TGIF1: variants seen among roughly 807,000 people sequenced by gnomAD.
TGIF1 encodes the protein TGFB induced factor homeobox 1, also known as homeobox protein TGIF1.
Under a neutral mutation model 19.3 loss-of-function variants are expected in TGIF1, and 4 were observed. That is an observed-to-expected ratio of 0.21 (90% confidence interval 0.10 to 0.47). The LOEUF is 0.47. TGIF1 is among the 20% of genes least tolerant of loss of function. The probability of loss-of-function intolerance (pLI) is 0.98; values close to 1 mark genes in which losing one functional copy is unlikely to be tolerated. For missense variants in TGIF1, 275 were observed against 341.4 expected, an observed-to-expected ratio of 0.81 and a Z score of 1.53; for synonymous variants, 122 against 129.3, an observed-to-expected ratio of 0.94 and a Z score of 0.38.
At chr18:3,438,062 T>G (rs952516318) in intron 2 of TGIF1, among the ~76,000 whole-genome samples, 1 of 151,594 alleles carries the variant, frequency 6.6e-6, no homozygotes, top group Non-Finnish European at 1.5e-5. Flanking sequence ...CCAACCTGGG[T>G]GACAAGAGCG....
rs1346578716 is a variant in TGIF1 at position 3,426,225 on chromosome 18, G to C, written c.-45+8010G>C. Among the ~76,000 whole-genome samples, 3 of 146,172 alleles carry C rather than the reference G, an allele frequency of 2.1e-5. No individual in the cohort carries two copies. The South Asian group carries it at 6.5e-4, about 32-fold the overall frequency. ...GCTCTGTTGCCCAGGCTGGAGTGCA[G>C]TGACACAATCTTGGCTCACTGCAAC... On this transcript the variant is annotated intron_variant, in intron 2 of 3. Coordinates refer to the TGIF1 transcript ENST00000401449.
intron 2 of TGIF1, among the ~76,000 whole-genome samples, chr18:3,427,166 A>C (rs946207510): frequency 2.0e-5 from 3 of 151,482 alleles, no homozygotes; most frequent in African/African-American, 7.3e-5. Flanking sequence ...CTAGCCTCGA[A>C]CTCCTGACCT....
chr18:3,452,266 C>G, intron 1 of TGIF1: 1 of 1,609,834 alleles, frequency 6.2e-7, no homozygotes, highest in South Asian at 1.1e-5. Context: ...GCCCTCTCCC[C>G]GGAGCTGGGG....
At chr18:3,424,164 T>C (rs2082440641) in intron 2 of TGIF1, among the ~76,000 whole-genome samples, 1 of 152,228 alleles carries the variant, frequency 6.6e-6, no homozygotes, top group South Asian at 2.1e-4. Flanking sequence ...TATCTCATTG[T>C]ATTGTAGCTA....
At chr18:3,442,880 A>G (rs2082692621) in intron 2 of TGIF1, among the ~76,000 whole-genome samples, 4 of 152,236 alleles carry the variant, frequency 2.6e-5, no homozygotes, top group Admixed American at 1.3e-4. Context: ...TGGGAGATAG[A>G]CAAATAGGAA....
upstream of TGIF1, chr18:3,448,717 CTTTTTTTTTTTTTTTTTTTTTGAGG>C (rs1220334035): frequency 1.2e-5 from 3 of 255,956 alleles, 1 homozygote; most frequent in African/African-American, 1.2e-4. Flanking sequence ...GCGGGGGTGT[CTTTTTTTTTTTTTTTTTTTTTGAGG>C]GAGGGTGGCA....
At chr18:3,447,554 G>A, upstream of TGIF1, 1 of 719,960 alleles carries the variant, frequency 1.4e-6, no homozygotes, top group South Asian at 1.5e-5. Context: ...GCTGACCCTA[G>A]GCACTTTCTT....
intron 1 of TGIF1, chr18:3,452,482 C>G (rs1333474380): frequency 6.4e-7 from 1 of 1,558,980 alleles, no homozygotes; most frequent in Non-Finnish European, 8.7e-7. Context: ...TTAGGTTTCC[C>G]TGGCGAGTCG....
At chr18:3,423,233 A>G (rs1170579826) in intron 2 of TGIF1, among the ~76,000 whole-genome samples, 1 of 152,086 alleles carries the variant, frequency 6.6e-6, no homozygotes, top group Non-Finnish European at 1.5e-5. Flanking sequence ...ATGACAGTAT[A>G]TCACATATTG....
chr18:3,441,137 CAG>C (rs2082673973), intron 2 of TGIF1, among the ~76,000 whole-genome samples: 1 of 152,134 alleles, frequency 6.6e-6, no homozygotes, highest in Admixed American at 6.6e-5. Context: ...TTTTTAAACA[CAG>C]AGTTTTTCTT....
chr18:3,448,693 C>A, upstream of TGIF1: 1 of 898,282 alleles, frequency 1.1e-6, no homozygotes, highest in Non-Finnish European at 1.3e-6. Flanking sequence ...CTCTGGCCTC[C>A]ACGCATTCTA....
chr18:3,451,968 T>A lies in TGIF1; in HGVS notation c.16+1463T>A, dbSNP rs374267795. On this transcript the variant is annotated intron_variant, in intron 1 of 2. Coordinates refer to ENST00000343820, the MANE Select transcript of TGIF1 (RefSeq NM_003244.4). This position sits in a 1 kb window ranked among gnomAD's most constrained non-coding sequence, Gnocchi z 5.4. ...CCTCCCGGGAATAAGTGAGGGGCTC[T>A]GTGTTTCGAGGATGGTTCTAGCGCA... 6.4e-7 allele frequency: 1 copy of A among 1,571,058 alleles called. No homozygotes were observed.
At chr18:3,433,289 G>T (rs145193471) in intron 2 of TGIF1, among the ~76,000 whole-genome samples, 1 of 151,790 alleles carries the variant, frequency 6.6e-6, no homozygotes, top group Non-Finnish European at 1.5e-5. Context: ...GGCCAGGCTG[G>T]TCTCCAACTC....
intron 2 of TGIF1, among the ~76,000 whole-genome samples, chr18:3,437,058 T>C (rs1028615259): frequency 2.6e-5 from 4 of 152,042 alleles, no homozygotes; most frequent in African/African-American, 9.7e-5. Context: ...TGAGCCGAGA[T>C]TGCGCCACTG....
intron 2 of TGIF1, among the ~76,000 whole-genome samples, chr18:3,440,474 T>A (rs547015794): frequency 1.3e-5 from 2 of 152,310 alleles, no homozygotes; most frequent in East Asian, 3.9e-4. Flanking sequence ...TTATTTCTTG[T>A]AAAAGGCAAT....
chr18:3,449,099 G>GC (rs1174777428), upstream of TGIF1, among the ~76,000 whole-genome samples: 3 of 152,162 alleles, frequency 2.0e-5, no homozygotes, highest in Non-Finnish European at 4.4e-5. Flanking sequence ...CAGCCAAACA[G>GC]CATCTGGTCT....
chr18:3,455,974 TG>T, intron 1 of TGIF1: 1 of 342,502 alleles, frequency 2.9e-6, no homozygotes, highest in Non-Finnish European at 5.7e-6. Flanking sequence ...GAAAGAAGGT[TG>T]GTAGGCATAT....
At chr18:3,417,651 T>C (rs138471146) in intron 1 of TGIF1, among the ~76,000 whole-genome samples, 25 of 152,342 alleles carry the variant, frequency 1.6e-4, no homozygotes, top group African/African-American at 5.8e-4. Context: ...TTCGTGTATA[T>C]ATCTATCATT....
chr18:3,430,278 T>C (rs1357022018), intron 2 of TGIF1, among the ~76,000 whole-genome samples: 1 of 152,240 alleles, frequency 6.6e-6, no homozygotes, highest in Non-Finnish European at 1.5e-5. Context: ...AGGAATCAGA[T>C]ATGAGAATCC....
Sources: allele counts gnomAD v4.1 joint callset (sites outside exome capture counted in the v4.1 genomes callset), GRCh38; gene constraint gnomAD v4.1.1; non-coding constraint Gnocchi (gnomAD v3.1); transcripts MANE v1.5; gene names NCBI Gene and HGNC (gene_info 2026-07-23, HGNC 2026-07-21).